Variants in CEP192 observed in about 807,000 individuals in gnomAD.
CEP192 encodes centrosomal protein 192.
In CEP192, 151 loss-of-function variants were observed where a neutral mutation model predicts 271.8. That is an observed-to-expected ratio of 0.56 (90% CI 0.49 to 0.64). The LOEUF (loss-of-function observed/expected upper bound fraction) is 0.64, where lower values mean the gene tolerates loss of function less well. CEP192 is among the 30% of genes least tolerant of loss of function. The pLI, the probability that CEP192 is intolerant of heterozygous loss-of-function variation, is 0.00. For synonymous variants in CEP192, 995 were observed against 1,076.5 expected (o/e 0.92, Z 1.48); for missense variants, 2,910 against 3,020.5 (o/e 0.96, Z 0.86).
intron 40 of CEP192, among the ~76,000 whole-genome samples, chr18:13,111,975 C>A (rs1355275311): frequency 6.6e-6 from 1 of 152,054 alleles, no homozygotes; most frequent in African/African-American, 2.4e-5. Flanking sequence ...CAGAAAATAA[C>A]AGGTGTTGGT....
intron 30 of CEP192, among the ~76,000 whole-genome samples, chr18:13,077,512 G>A (rs2038355350): frequency 6.6e-6 from 1 of 152,232 alleles, no homozygotes; most frequent in South Asian, 2.1e-4. Flanking sequence ...AGTATGGAAA[G>A]TTTCCAGCAG....
chr18:13,084,764 C>T (rs1221127784), intron 30 of CEP192, among the ~76,000 whole-genome samples: 2 of 151,996 alleles, frequency 1.3e-5, no homozygotes, highest in Non-Finnish European at 2.9e-5. Flanking sequence ...GAAACGGAGT[C>T]TCTAATGATC....
intron 40 of CEP192, among the ~76,000 whole-genome samples, chr18:13,110,720 T>C (rs963369359): frequency 6.6e-6 from 1 of 152,134 alleles, no homozygotes; most frequent in Non-Finnish European, 1.5e-5. Flanking sequence ...TCTAAAAGCC[T>C]CAAAAGAAGG....
At chr18:13,050,907 T>C (rs1166990009) in intron 17 of CEP192, among the ~76,000 whole-genome samples, 1 of 152,194 alleles carries the variant, frequency 6.6e-6, no homozygotes, top group Non-Finnish European at 1.5e-5. Flanking sequence ...GTATTACCAG[T>C]CATCCAGCCC....
chr18:13,030,963 A>G (rs2035585050), intron 11 of CEP192, among the ~76,000 whole-genome samples: 1 of 149,910 alleles, frequency 6.7e-6, no homozygotes, highest in Non-Finnish European at 1.5e-5. Context: ...TACAAAAACC[A>G]GTCCATGAAA....
At chr18:13,030,966 C>T (rs1337176284) in intron 11 of CEP192, among the ~76,000 whole-genome samples, 2 of 149,384 alleles carry the variant, frequency 1.3e-5, no homozygotes, top group East Asian at 4.2e-4. Flanking sequence ...AAAAACCAGT[C>T]CATGAAAGGT....
rs1431753878 is a variant in CEP192, at chr18:13,067,838, C to T, written c.4496C>T (p.Thr1499Ile). 5.6e-6 allele frequency: 9 copies of T among 1,607,358 alleles called. No individual in the cohort carries two copies. Among genetic ancestry groups the T allele is most frequent in the Admixed American group, 3.4e-5 (2 of 59,248 alleles). Residue 1499 changes from threonine to isoleucine, a missense_variant, in exon 22 of 45, where the codon ACA becomes ATA. Transcript: ENST00000506447. ...CCTTTTTTTGATAATTAGGTAGAAA[C>T]AGAAAAGAAAGACGTTCTTGATTTT... ...IAESPVIEVE[T>I]EKKDVLDFGD...
At chr18:13,075,238 G>T (rs2038208627) in intron 30 of CEP192, among the ~76,000 whole-genome samples, 1 of 152,190 alleles carries the variant, frequency 6.6e-6, no homozygotes, top group Non-Finnish European at 1.5e-5. Flanking sequence ...TCTTCCCTCT[G>T]GAACATGCAG....
chr18:13,051,891 T>C (rs1168315857), intron 17 of CEP192, among the ~76,000 whole-genome samples: 1 of 152,238 alleles, frequency 6.6e-6, no homozygotes, highest in East Asian at 1.9e-4. Context: ...ATTTTCTGTG[T>C]ACGTCCATTG....
At chr18:13,124,428 T>C (rs377464307) in intron 44 of CEP192, 3 of 458,792 alleles carry the variant, frequency 6.5e-6, no homozygotes, top group South Asian at 5.6e-5. Context: ...TATGCAATAC[T>C]GTTTTAATCC....
At chr18:13,050,177 T>C (rs565949501) in intron 17 of CEP192, among the ~76,000 whole-genome samples, 1 of 152,310 alleles carries the variant, frequency 6.6e-6, no homozygotes, top group East Asian at 1.9e-4. Context: ...GAAGACTTTG[T>C]ATCTTAACTG....
chr18:13,033,178 A>G (rs2035730935), intron 11 of CEP192, among the ~76,000 whole-genome samples: 1 of 152,270 alleles, frequency 6.6e-6, no homozygotes, highest in East Asian at 1.9e-4. Context: ...CTGAGAATAA[A>G]AGATTTGCAA....
chr18:13,035,149 G>A (rs1028842930), intron 11 of CEP192, among the ~76,000 whole-genome samples: 1 of 152,142 alleles, frequency 6.6e-6, no homozygotes, highest in African/African-American at 2.4e-5. Flanking sequence ...ATCCCTTATA[G>A]TTCAGAGAAA....
At chr18:13,119,350 G>T (rs116768401) in intron 44 of CEP192, among the ~76,000 whole-genome samples, 302 of 152,292 alleles carry the variant, frequency 2.0e-3, no homozygotes, top group African/African-American at 6.8e-3. Flanking sequence ...TAAACATGCA[G>T]TGGATCAATG....
chr18:13,082,924 T>C (rs1352947234), intron 30 of CEP192, among the ~76,000 whole-genome samples: 1 of 152,234 alleles, frequency 6.6e-6, no homozygotes, highest in Non-Finnish European at 1.5e-5. Context: ...GAAAATTCTT[T>C]CCTTTAATAT....
chr18:13,063,946 G>A lies in CEP192; in HGVS notation c.4489-3885G>A, dbSNP rs560566696. On this transcript the variant is annotated intron_variant, in intron 21 of 44. Transcript: ENST00000506447. ...AGCTGTTCTCCTGCCTCAGCCTCCC[G>A]AGTAGCTGGGATTACAGGCATGCAC... Among the ~76,000 whole-genome samples the A allele has an allele frequency of 9.0e-4, 135 of 150,760 alleles. 4 individuals carry two copies. Among genetic ancestry groups the A allele is most frequent in the South Asian group, 8.5e-4 (4 of 4,730 alleles).
At chr18:13,094,750 A>T (rs1037287232) in intron 34 of CEP192, among the ~76,000 whole-genome samples, 6 of 152,126 alleles carry the variant, frequency 3.9e-5, no homozygotes, top group African/African-American at 1.4e-4. Flanking sequence ...AAATCCACAC[A>T]CTTCTGTATT....
chr18:13,103,458 T>G (rs2039808921), intron 38 of CEP192, 51 bp from the exon 39 acceptor site: 1 of 1,445,582 alleles, frequency 6.9e-7, no homozygotes, highest in African/African-American at 1.4e-5. Flanking sequence ...AGTCATCTGC[T>G]TGTTCTCCAG....
intron 40 of CEP192, 75 bp from the exon 41 acceptor site, chr18:13,113,511 C>G (rs1176257427): frequency 2.8e-6 from 4 of 1,429,350 alleles, no homozygotes; most frequent in Non-Finnish European, 3.9e-6. Context: ...CATACCAAAT[C>G]TTTGAACTGG....
Sources: allele counts gnomAD v4.1 joint callset (sites outside exome capture counted in the v4.1 genomes callset), GRCh38; gene constraint gnomAD v4.1.1; transcripts MANE v1.5; gene names NCBI Gene and HGNC (gene_info 2026-07-23, HGNC 2026-07-21).